Variants in OSBPL8 observed in about 807,000 individuals in gnomAD.
OSBPL8 encodes the protein oxysterol-binding protein-related protein 8.
A neutral mutation model predicts 125.5 loss-of-function variants in OSBPL8; 59 were observed. The ratio of observed to expected loss-of-function variants is 0.47; its 90% CI spans 0.38 to 0.58. OSBPL8 has a LOEUF of 0.58. Among genes scored for constraint, OSBPL8 ranks in the 20% least tolerant of loss-of-function variants. The pLI, the probability that OSBPL8 is intolerant of heterozygous loss-of-function variation, is 0.00. For missense variants in OSBPL8, 758 were observed against 1,047.8 expected, an observed-to-expected ratio of 0.72 and a Z score of 3.82; for synonymous variants, 330 against 338.9, an observed-to-expected ratio of 0.97 and a Z score of 0.29.
At chr12:76,362,693 A>G (rs1007642706) in intron 21 of OSBPL8, among the ~76,000 whole-genome samples, 1 of 152,204 alleles carries the variant, frequency 6.6e-6, no homozygotes, top group African/African-American at 2.4e-5. Flanking sequence ...GCAATCAGGC[A>G]AGAGAAAGAA....
At chr12:76,361,872 A>T (rs982210592) in intron 21 of OSBPL8, among the ~76,000 whole-genome samples, 1 of 152,232 alleles carries the variant, frequency 6.6e-6, no homozygotes, top group Non-Finnish European at 1.5e-5. Flanking sequence ...AGTACAATTC[A>T]AGATGAGATT....
At chr12:76,420,650 A>G (rs1487243692) in intron 4 of OSBPL8, among the ~76,000 whole-genome samples, 2 of 152,090 alleles carry the variant, frequency 1.3e-5, no homozygotes, top group East Asian at 3.8e-4. Context: ...AATATCACTA[A>G]TGAAGAACAA....
In OSBPL8 at chr12:76,460,819, C is replaced by T. The variant is rs573879392; in HGVS notation, c.43-924G>A. 7.9e-5 allele frequency among the ~76,000 whole-genome samples: 12 copies of T among 152,250 alleles called. No individual in the cohort carries two copies. In the South Asian group the frequency reaches 1.9e-3, roughly 24 times the overall value. The stretch of plus-strand genomic sequence containing the variant: ...ATGCAGTAACATACCAAAACAAATG[C>T]AGTAACAGAAACAAAAAGTTCCCAA... On this transcript the variant is annotated intron_variant, in intron 2 of 23. Coordinates refer to ENST00000261183, the MANE Select transcript of OSBPL8 (RefSeq NM_020841.5).
In OSBPL8 at chr12:76,392,583, G is replaced by C. The variant is rs1447244396; in HGVS notation, c.927C>G (p.Phe309Leu). The change falls in exon 10 of 24, where the codon TTC (phenylalanine) becomes TTG (leucine). Residue 309 changes from phenylalanine to leucine, a missense_variant and splice_region_variant. This residue lies in a region of OSBPL8 where 572 missense variants were observed against 762.0 expected (regional missense o/e 0.75). Coordinates refer to ENST00000261183, the MANE Select transcript of OSBPL8 (RefSeq NM_020841.5). ...RANNLHSGDN[F>L]QLNDSEIERQ... ...ACTCAGCGGCAGTATCTACTTACTG[G>C]AAGTTATCACCACTGTGGAGATTGT... 1.9e-6 allele frequency: 3 copies of C among 1,604,452 alleles called. No individual in the cohort carries two copies. The highest frequency in any genetic ancestry group is 2.7e-5 in the African/African-American group (2 of 74,760).
At chr12:76,497,439 T>C (rs554728633) in intron 1 of OSBPL8, among the ~76,000 whole-genome samples, 11 of 152,312 alleles carry the variant, frequency 7.2e-5, no homozygotes, top group African/African-American at 2.6e-4. Flanking sequence ...ATTGTATGCA[T>C]AATAAAGGAA....
chr12:76,497,132 A>T (rs899054500), intron 1 of OSBPL8, among the ~76,000 whole-genome samples: 4 of 152,120 alleles, frequency 2.6e-5, no homozygotes, highest in Admixed American at 6.6e-5. Flanking sequence ...TTTTATCAAA[A>T]TTTTTTTAAC....
rs906586465 is a variant in OSBPL8, at chr12:76,354,800, G to C, written c.*1089C>G. 6.6e-6 allele frequency: 1 copy of C among 151,944 alleles called. No individual in the cohort carries two copies. Among genetic ancestry groups the C allele is most frequent in the Non-Finnish European group, 1.5e-5 (1 of 67,836 alleles). The allele number at this position is 151,944 out of a possible 1,614,324, so 9.4% of individuals were successfully genotyped here. A position where few individuals can be genotyped will look rare whatever the true frequency, so the allele number is the denominator to read the frequency against. ...AGGATAATAAAAAAATTAAACTTCA[G>C]AACTTGATACTCTTCGTAGATACTC... is the stretch of plus-strand genomic sequence containing the variant. On this transcript the variant is annotated 3_prime_UTR_variant, in exon 24 of 24. Transcript: ENST00000261183.
intron 1 of OSBPL8, among the ~76,000 whole-genome samples, chr12:76,497,033 T>C (rs1565945269): frequency 6.6e-6 from 1 of 152,294 alleles, no homozygotes; most frequent in Admixed American, 6.5e-5. Flanking sequence ...TACCCTTAAG[T>C]GTTTGTACCT....
At chr12:76,556,719 A>G (rs1219863167) in intron 1 of OSBPL8, among the ~76,000 whole-genome samples, 1 of 152,108 alleles carries the variant, frequency 6.6e-6, no homozygotes, top group East Asian at 1.9e-4. Context: ...GCTGGAGTGC[A>G]ATGGCATGAT....
intron 1 of OSBPL8, among the ~76,000 whole-genome samples, chr12:76,532,646 G>A (rs1950377745): frequency 6.6e-6 from 1 of 151,674 alleles, no homozygotes; most frequent in Non-Finnish European, 1.5e-5. Flanking sequence ...ATCTTCTTTT[G>A]GGAAAGGAAC....
chr12:76,355,790 C>T lies in OSBPL8; in HGVS notation c.*99G>A, dbSNP rs1015153692. ...TTTATCTCCTAGGTTTTTTTGTTTT[C>T]GGAATATTGTGATTTTTAATAAAGA... On this transcript the variant is annotated 3_prime_UTR_variant, in exon 24 of 24. Transcript: ENST00000261183. The T allele has an allele frequency of 5.9e-5, 79 of 1,344,374 alleles. No homozygotes were observed. The highest frequency in any genetic ancestry group is 1.7e-4 in the East Asian group (7 of 41,252). 83.3% of individuals were successfully genotyped at this position (1,344,374 alleles called of 1,614,324 possible).
chr12:76,512,748 A>G (rs1881128840), intron 1 of OSBPL8, among the ~76,000 whole-genome samples: 1 of 152,232 alleles, frequency 6.6e-6, no homozygotes, highest in Non-Finnish European at 1.5e-5. Context: ...TGATAGCAAC[A>G]GCAATGAATC....
At chr12:76,405,756 T>C (rs1276261258) in intron 5 of OSBPL8, among the ~76,000 whole-genome samples, 2 of 152,202 alleles carry the variant, frequency 1.3e-5, no homozygotes, top group East Asian at 1.9e-4. Context: ...ATTTTTTTGT[T>C]GGGGATAGTT....
intron 2 of OSBPL8, among the ~76,000 whole-genome samples, chr12:76,484,954 CTT>C (rs915591316): frequency 7.9e-5 from 12 of 152,094 alleles, no homozygotes; most frequent in African/African-American, 2.9e-4. Flanking sequence ...GAGTTTCGCT[CTT>C]GTTGCCCAGG....
At chr12:76,490,844 C>A (rs934322393) in intron 1 of OSBPL8, among the ~76,000 whole-genome samples, 1 of 152,228 alleles carries the variant, frequency 6.6e-6, no homozygotes, top group African/African-American at 2.4e-5. Flanking sequence ...CTGTAATATG[C>A]CCTCTGGGGC....
rs1001697941 is a variant in OSBPL8, at chr12:76,375,375, A to G, written c.1730-5T>C. 5.6e-6 allele frequency: 9 copies of G among 1,604,526 alleles called. No individual in the cohort carries two copies. The Middle Eastern group carries it at 7.6e-4, about 135-fold the overall frequency. Reference sequence around the variant, plus strand: ...TCATTGTACCATAAAGAATTCCTAAAGGAAAAAGATTTGACAAAAAATTGA... The same window carrying G: ...TCATTGTACCATAAAGAATTCCTAAGGGAAAAAGATTTGACAAAAAATTGA... On this transcript the variant is annotated splice_region_variant and splice_polypyrimidine_tract_variant and intron_variant, in intron 16 of 23. Transcript: ENST00000261183.
chr12:76,531,121 G>A (rs2137338737), intron 1 of OSBPL8, among the ~76,000 whole-genome samples: 1 of 152,308 alleles, frequency 6.6e-6, no homozygotes, highest in African/African-American at 2.4e-5. Flanking sequence ...AATCATGGCA[G>A]AAGGCAAAGG....
chr12:76,537,331 G>C (rs1306412968), intron 1 of OSBPL8, among the ~76,000 whole-genome samples: 3 of 152,156 alleles, frequency 2.0e-5, no homozygotes, highest in African/African-American at 7.2e-5. Flanking sequence ...GGATTCCTGG[G>C]CATTTATAAC....
chr12:76,437,853 C>T (rs1253503456), intron 4 of OSBPL8, among the ~76,000 whole-genome samples: 2 of 152,106 alleles, frequency 1.3e-5, no homozygotes, highest in East Asian at 1.9e-4. Context: ...TTTCATGTCT[C>T]TTATTAGATT....
Sources: gnomAD v4.1 joint callset for allele counts (sites outside exome capture counted in the v4.1 genomes callset) on GRCh38, gnomAD v4.1.1 for gene constraint, gnomAD v4.1.1 regional missense constraint, MANE v1.5 for transcripts, NCBI Gene and HGNC (gene_info 2026-07-23, HGNC 2026-07-21) for gene names.